Variants in ZNF324 observed in about 807,000 individuals in gnomAD.
ZNF324 encodes the protein zinc finger protein 324.
In ZNF324, 3 loss-of-function variants were observed where a neutral mutation model predicts 10.3. That is an observed-to-expected ratio of 0.29 (90% CI 0.13 to 0.75). The LOEUF (loss-of-function observed/expected upper bound fraction) is 0.75. Among genes scored for constraint, ZNF324 ranks in the 30% least tolerant of loss-of-function variants. The pLI is 0.69. For missense variants in ZNF324, 763 were observed against 784.4 expected (o/e 0.97, Z 0.33); for synonymous variants, 430 against 339.5 (o/e 1.27, Z -2.93).
Position 58,473,414 on chromosome 19 carries a change from GAAAAA to G in ZNF324, c.*1271_*1275del, listed in dbSNP as rs770881037. ...AAGGAAATTCATGTTCTCCTTAATGGAAAAAAAAAAAAAAAGACTACCATCTGCAA... is the reference window on the plus strand; with the variant it reads ...AAGGAAATTCATGTTCTCCTTAATGGAAAAAAAAAAGACTACCATCTGCAA... On this transcript the variant is annotated 3_prime_UTR_variant, in exon 4 of 4. Coordinates refer to ENST00000196482, the MANE Select transcript of ZNF324 (RefSeq NM_014347.3). 2 of 119,242 alleles carry G rather than the reference GAAAAA, an allele frequency of 1.7e-5. No homozygotes were observed. The highest frequency in any genetic ancestry group is 1.8e-4 in the Admixed American group (2 of 11,392). The allele number at this position is 119,242 out of a possible 1,614,324, so 7.4% of individuals were successfully genotyped here. A position where few individuals can be genotyped will look rare whatever the true frequency, so the allele number is the denominator to read the frequency against.
Position 58,471,112 on chromosome 19 carries a change from T to C in ZNF324, c.620T>C (p.Phe207Ser), listed in dbSNP as rs770927146. 6.2e-7 allele frequency: 1 copy of C among 1,613,718 alleles called. No homozygotes were observed. Among genetic ancestry groups the C allele is most frequent in the South Asian group, 1.1e-5 (1 of 91,078 alleles). ...GCACAGGAGGTCCCTGGGAGAACCT[T>C]TGGGAGCGCCCAGGACCTGGAGGCT... The part of the protein sequence containing the change: ...PCAQEVPGRT[F>S]GSAQDLEAAG... Residue 207 changes from phenylalanine to serine, a missense_variant, in exon 4 of 4, where the codon TTT becomes TCT. This residue lies in a region of ZNF324 where 379 missense variants were observed against 319.4 expected (regional missense o/e 1.19). Coordinates refer to ENST00000196482, the MANE Select transcript of ZNF324 (RefSeq NM_014347.3).
intron 1 of ZNF324, among the ~76,000 whole-genome samples, chr19:58,468,777 AGGGAGGGCAGAG>A (rs2053003114): frequency 6.6e-6 from 1 of 152,062 alleles, no homozygotes; most frequent in Non-Finnish European, 1.5e-5. Context: ...GGGTCTGGTC[AGGGAGGGCAGAG>A]GGGAGGGGTC....
rs1366775635 is a variant in ZNF324 at position 58,469,197 on chromosome 19, G to T, written c.12G>T (p.Glu4Asp). 2 of 1,614,208 alleles carry T rather than the reference G, an allele frequency of 1.2e-6. No homozygotes were observed. Among genetic ancestry groups the T allele is most frequent in the African/African-American group, 1.3e-5 (1 of 75,060 alleles). Residue 4 changes from glutamate (E) to aspartate (D), a missense_variant, in exon 2 of 4, where the codon GAG becomes GAT. This residue lies in a region of ZNF324 where 379 missense variants were observed against 319.4 expected (regional missense o/e 1.19). Transcript: ENST00000196482. MAF[E>D]DVAVYFSQEE... ...TCTTTTAGGACCAGATGGCCTTTGAGGATGTGGCTGTGTACTTCTCCCAGG... is the reference window on the plus strand; with the variant it reads ...TCTTTTAGGACCAGATGGCCTTTGATGATGTGGCTGTGTACTTCTCCCAGG...
rs2053053973 is a variant in ZNF324, at chr19:58,473,250, T to C, written c.*1096T>C. ...AAAGACTTGCTATTGCCTAAGGCTA[T>C]GTGTGACACCCTCCTGAGGACCTCC... On this transcript the variant is annotated 3_prime_UTR_variant, in exon 4 of 4. Coordinates refer to ENST00000196482, the MANE Select transcript of ZNF324 (RefSeq NM_014347.3). 1 of 152,520 alleles carries C rather than the reference T, an allele frequency of 6.6e-6. No homozygotes were observed. Among genetic ancestry groups the C allele is most frequent in the Non-Finnish European group, 1.5e-5 (1 of 68,050 alleles). The allele number at this position is 152,520 out of a possible 1,614,324, so 9.4% of individuals were successfully genotyped here.
intron 3 of ZNF324, 66 bp downstream of exon 3, chr19:58,469,910 C>A (rs965686725): frequency 1.3e-5 from 17 of 1,282,664 alleles, no homozygotes; most frequent in Non-Finnish European, 1.9e-5. Context: ...GTCCCTGGTT[C>A]CCAGACTCCC....
intron 2 of ZNF324, 41 bp from the exon 3 acceptor site, chr19:58,469,687 T>G: frequency 1.7e-4 from 257 of 1,509,356 alleles, no homozygotes; most frequent in Non-Finnish European, 2.1e-4. Flanking sequence ...TGGGTTATCT[T>G]GAGCTGGGGC....
At position 58,472,182 on chromosome 19, in the gene ZNF324, G is replaced by C. The variant is rs11673703; in HGVS notation, c.*28G>C. On this transcript the variant is annotated 3_prime_UTR_variant, in exon 4 of 4. Coordinates refer to ENST00000196482, the MANE Select transcript of ZNF324 (RefSeq NM_014347.3). ...TCACAGGTTGCAGCCCTGGCCTTCT[G>C]TGAATCCCTTCCACAGCTAAAGGGC... is the stretch of plus-strand genomic sequence containing the variant. 6.5e-7 allele frequency: 1 copy of C among 1,538,774 alleles called. No individual in the cohort carries two copies. The highest frequency in any genetic ancestry group is 1.4e-5 in the African/African-American group (1 of 73,482).
chr19:58,470,621 C>A (rs543374637), intron 3 of ZNF324, 110 bp from the exon 4 acceptor site: 1 of 1,394,504 alleles, frequency 7.2e-7, no homozygotes, highest in Non-Finnish European at 1.0e-6. Context: ...TCTACTTTTC[C>A]CCTAAGCTTT....
chr19:58,469,735 C>T lies in ZNF324; in HGVS notation c.129C>T (p.Ser43=), dbSNP rs1450604579. ...TGCACCTCCTCCTCACAGGACTCTC[C>T]ACCTCTCGACCTCGTGTGGTCATCC... ...NFALVASLGL[S]TSRPRVVIQL... is the part of the protein sequence containing the mutation. Residue 43 remains serine, a synonymous_variant, in exon 3 of 4, where the codon TCC becomes TCT. Coordinates refer to ENST00000196482, the MANE Select transcript of ZNF324 (RefSeq NM_014347.3). 6.4e-7 allele frequency: 1 copy of T among 1,573,736 alleles called. No homozygotes were observed. Among genetic ancestry groups the T allele is most frequent in the East Asian group, 2.3e-5 (1 of 42,808 alleles).
rs1161101540 is a variant in ZNF324, at chr19:58,473,006, C to A, written c.*852C>A. The A allele has an allele frequency of 6.6e-6, 1 of 152,664 alleles. No individual in the cohort carries two copies. The highest frequency in any genetic ancestry group is 2.1e-4 in the South Asian group (1 of 4,826). The allele number at this position is 152,664 out of a possible 1,614,324, so 9.5% of individuals were successfully genotyped here. A position where few individuals can be genotyped will look rare whatever the true frequency, so the allele number is the denominator to read the frequency against. ...AGGATGATGGCTTTCCGGTGGCACT[C>A]GTTCAGGTTTTTGCCCAAGTCTCAG... On this transcript the variant is annotated 3_prime_UTR_variant, in exon 4 of 4. Transcript: ENST00000196482.
In ZNF324 at chr19:58,472,057, C is replaced by G. The variant is rs758837872; in HGVS notation, c.1565C>G (p.Ser522Cys). 1.2e-6 allele frequency: 2 copies of G among 1,605,436 alleles called. No homozygotes were observed. Among genetic ancestry groups the G allele is most frequent in the Non-Finnish European group, 1.7e-6 (2 of 1,178,692 alleles). The stretch of plus-strand genomic sequence containing the variant: ...GCCAGCCTGCACCCCCAGGCCAGGT[C>G]TGTTGCCGGGGCATCATCAGAAGGT... ...SRASLHPQAR[S>C]VAGASSEGAP... Residue 522 changes from serine to cysteine, a missense_variant, in exon 4 of 4, where the codon TCT becomes TGT. Coordinates refer to ENST00000196482, the MANE Select transcript of ZNF324 (RefSeq NM_014347.3).
chr19:58,468,243 T>A, intron 1 of ZNF324: 1 of 985,282 alleles, frequency 1.0e-6, no homozygotes, highest in Non-Finnish European at 1.2e-6. Flanking sequence ...GGACAGGGCC[T>A]ATGAATTGGA....
intron 1 of ZNF324, among the ~76,000 whole-genome samples, chr19:58,468,528 A>G (rs2053000845): frequency 1.3e-5 from 2 of 152,130 alleles, no homozygotes; most frequent in African/African-American, 4.8e-5. Context: ...ATGTCAGGCA[A>G]GCAGGCTCAG....
Position 58,469,244 on chromosome 19 carries a change from C to T in ZNF324, c.59C>T (p.Thr20Ile). The T allele has an allele frequency of 1.2e-6, 2 of 1,614,194 alleles. No homozygotes were observed. Among genetic ancestry groups the T allele is most frequent in the South Asian group, 2.2e-5 (2 of 91,088 alleles). Residue 20 changes from threonine (T) to isoleucine (I), a missense_variant, in exon 2 of 4, where the codon ACA (threonine) becomes ATA (isoleucine). Physicochemically the swap from Thr to Ile is moderately conservative, Grantham distance 89. This residue lies in a region of ZNF324 where 379 missense variants were observed against 319.4 expected (regional missense o/e 1.19). Transcript: ENST00000196482. Reference sequence around the variant, plus strand: ...CAGGAGGAGTGGGGGCTCCTGGACACAGCCCAGAGGGCCCTGTACCGCCGC... The same window carrying T: ...CAGGAGGAGTGGGGGCTCCTGGACATAGCCCAGAGGGCCCTGTACCGCCGC... ...FSQEEWGLLD[T>I]AQRALYRRVM...
At position 58,471,986 on chromosome 19, in the gene ZNF324, C is replaced by T. The variant is rs1246025745; in HGVS notation, c.1494C>T (p.His498=). ...RAFRERPALF[H]HQRIHTGEKT... ...TCCGTGAGCGCCCGGCCCTCTTCCA[C>T]CACCAGAGGATCCATACCGGCGAGA... Residue 498 remains histidine (H), a synonymous_variant, in exon 4 of 4, where the codon CAC becomes CAT. Coordinates refer to ENST00000196482, the MANE Select transcript of ZNF324 (RefSeq NM_014347.3). 2 of 1,608,916 alleles carry T rather than the reference C, an allele frequency of 1.2e-6. No individual in the cohort carries two copies. Among genetic ancestry groups the T allele is most frequent in the East Asian group, 2.2e-5 (1 of 44,864 alleles).
chr19:58,471,795 AG>A lies in ZNF324; in HGVS notation c.1304del (p.Ser435ThrfsTer130). On this transcript the variant is annotated frameshift_variant, in exon 4 of 4. Transcript: ENST00000196482. LOFTEE classifies it low-confidence loss of function (END_TRUNC). Reference sequence around the variant, plus strand: ...CTGCCCACAGTGCGGCCGCGCCTTTAGCCACAGCTCCAACCTCACCCAGCAC... The same window carrying A: ...CTGCCCACAGTGCGGCCGCGCCTTTACCACAGCTCCAACCTCACCCAGCAC... ...FACPQCGRAFSHSSNLTQHQL... is the reference protein window; with the variant it reads ...FACPQCGRAFXHSSNLTQHQL... The A allele has an allele frequency of 6.2e-7, 1 of 1,612,872 alleles. No homozygotes were observed. Among genetic ancestry groups the A allele is most frequent in the East Asian group, 2.2e-5 (1 of 44,844 alleles).
At chr19:58,469,334 G>A in intron 2 of ZNF324, 28 bp downstream of exon 2, 3 of 1,609,958 alleles carry the variant, frequency 1.9e-6, no homozygotes, top group Non-Finnish European at 2.5e-6. Flanking sequence ...CCATGAAATG[G>A]GCAACTGATA....
In ZNF324 at chr19:58,471,808, A is replaced by C; in HGVS notation, c.1316A>C (p.Asn439Thr). The change falls in exon 4 of 4, where the codon AAC becomes ACC. Residue 439 changes from asparagine to threonine, a missense_variant. Transcript: ENST00000196482. ...GGCCGCGCCTTTAGCCACAGCTCCA[A>C]CCTCACCCAGCACCAGCTCCTGCAC... ...QCGRAFSHSS[N>T]LTQHQLLHTG... The C allele has an allele frequency of 6.2e-7, 1 of 1,612,838 alleles. No homozygotes were observed.
chr19:58,469,930 C>T (rs989574931), intron 3 of ZNF324, 86 bp downstream of exon 3: 2 of 1,006,996 alleles, frequency 2.0e-6, no homozygotes, highest in Non-Finnish European at 3.0e-6. Context: ...CCAGAAGCAC[C>T]CTCCTCCCCT....
Sources: allele counts gnomAD v4.1 joint callset (sites outside exome capture counted in the v4.1 genomes callset), GRCh38; gene constraint gnomAD v4.1.1; regional missense constraint gnomAD v4.1.1; transcripts MANE v1.5; gene names NCBI Gene and HGNC (gene_info 2026-07-23, HGNC 2026-07-21).